The following ANO10 variants were observed in gnomAD, a reference collection of about 807,000 sequenced individuals.
The protein encoded by ANO10 is anoctamin-10.
In ANO10, 77 loss-of-function variants were observed where a neutral mutation model predicts 74.7. That is an observed-to-expected ratio of 1.03 (90% CI 0.86 to 1.25). The LOEUF (loss-of-function observed/expected upper bound fraction) is 1.25, where lower values mean the gene tolerates loss of function less well. Ranked by LOEUF, ANO10 falls within the 50% of genes most tolerant of loss-of-function variation. ANO10 has a pLI of 0.00. For missense variants in ANO10, 721 were observed against 778.1 expected, an observed-to-expected ratio of 0.93 and a Z score of 0.87; for synonymous variants, 279 against 284.9, an observed-to-expected ratio of 0.98 and a Z score of 0.21.
chr3:43,372,654 T>TGGA (rs1373343803), intron 12 of ANO10: 1 of 545,922 alleles, frequency 1.8e-6, no homozygotes, highest in Non-Finnish European at 3.3e-6. Flanking sequence ...TTTCAATTGC[T>TGGA]GCACTCCTCG....
At chr3:43,426,743 A>C (rs767191922) in intron 12 of ANO10, among the ~76,000 whole-genome samples, 2 of 152,248 alleles carry the variant, frequency 1.3e-5, no homozygotes, top group Non-Finnish European at 2.9e-5. Flanking sequence ...AAAGGGCATC[A>C]CTAGGATGAT....
intron 1 of ANO10, among the ~76,000 whole-genome samples, chr3:43,663,092 AAG>A (rs1432184003): frequency 1.3e-5 from 2 of 152,200 alleles, no homozygotes; most frequent in Non-Finnish European, 2.9e-5. Context: ...ACAACAAAAA[AAG>A]AGAATTTTAG....
chr3:43,406,342 C>G (rs953434985), intron 12 of ANO10, among the ~76,000 whole-genome samples: 3 of 152,218 alleles, frequency 2.0e-5, no homozygotes, highest in Non-Finnish European at 2.9e-5. Context: ...ACTGTTCTCA[C>G]TCACCACATT....
chr3:43,666,277 G>A (rs1181484173), intron 1 of ANO10, among the ~76,000 whole-genome samples: 1 of 152,094 alleles, frequency 6.6e-6, no homozygotes, highest in African/African-American at 2.4e-5. Flanking sequence ...TTACAGTGAT[G>A]ATTCAAACAA....
chr3:43,449,515 C>CTTTTTTTTTTTTTTT (rs61265406), intron 11 of ANO10, among the ~76,000 whole-genome samples: 16 of 107,126 alleles, frequency 1.5e-4, no homozygotes, highest in East Asian at 3.0e-4. Flanking sequence ...TATCTAGATT[C>CTTTTTTTTTTTTTTT]TTTTTTTTTT....
intron 1 of ANO10, among the ~76,000 whole-genome samples, chr3:43,676,778 A>C (rs6768998): frequency 0.083 from 12,693 of 152,122 alleles, 730 homozygotes; most frequent in South Asian, 0.21. Context: ...CAATTCTCTC[A>C]ATATAAATAG....
At chr3:43,688,846 A>G (rs76417523) in intron 1 of ANO10, among the ~76,000 whole-genome samples, 48 of 143,528 alleles carry the variant, frequency 3.3e-4, no homozygotes, top group Non-Finnish European at 6.3e-4. Flanking sequence ...TCCGTCTTAG[A>G]AAAAAAAAAA....
chr3:43,679,828 AG>A (rs1559399144), intron 1 of ANO10, among the ~76,000 whole-genome samples: 1 of 152,324 alleles, frequency 6.6e-6, no homozygotes, highest in Admixed American at 6.5e-5. Context: ...CCAGGCAAAC[AG>A]GGTCTGGAGT....
In ANO10 at chr3:43,669,302, G is replaced by A. The variant is rs750158955; in HGVS notation, c.-12+22215C>T. ...AAATGGTTCCTTTTCCCTGCTGATG[G>A]AGACATGAGGGAATATGTCACCAAT... On this transcript the variant is annotated intron_variant, in intron 1 of 3. Transcript: ENST00000413397. 2.0e-5 allele frequency among the ~76,000 whole-genome samples: 3 copies of A among 152,134 alleles called. No homozygotes were observed. In the South Asian group the frequency reaches 6.2e-4, roughly 31 times the overall value.
chr3:43,447,449 T>A (rs2093264154), intron 11 of ANO10, among the ~76,000 whole-genome samples: 1 of 152,228 alleles, frequency 6.6e-6, no homozygotes, highest in African/African-American at 2.4e-5. Context: ...CTTGCCTATC[T>A]TACTCTGAAT....
chr3:43,604,678 C>T (rs985262054), intron 2 of ANO10, among the ~76,000 whole-genome samples: 2 of 152,008 alleles, frequency 1.3e-5, no homozygotes, highest in Admixed American at 6.6e-5. Context: ...TTATGATCGC[C>T]CAAAAAGTGT....
At chr3:43,503,880 AT>A (rs1160013404) in intron 11 of ANO10, among the ~76,000 whole-genome samples, 11 of 150,542 alleles carry the variant, frequency 7.3e-5, no homozygotes, top group South Asian at 4.2e-4. Context: ...CTGAGAGAGG[AT>A]TTTTTTTTTC....
intron 9 of ANO10, among the ~76,000 whole-genome samples, chr3:43,557,046 CAACA>C (rs1034482159): frequency 2.0e-5 from 3 of 151,184 alleles, no homozygotes; most frequent in African/African-American, 7.3e-5. Flanking sequence ...CATATGCCAG[CAACA>C]AACAATTAGA....
chr3:43,384,022 A>G (rs1394780328), intron 12 of ANO10, among the ~76,000 whole-genome samples: 2 of 152,206 alleles, frequency 1.3e-5, no homozygotes, highest in South Asian at 2.1e-4. Flanking sequence ...AAAAAACCCT[A>G]AAGACTCATC....
chr3:43,429,286 A>G (rs1180183869), intron 12 of ANO10, among the ~76,000 whole-genome samples: 1 of 152,168 alleles, frequency 6.6e-6, no homozygotes, highest in Non-Finnish European at 1.5e-5. Flanking sequence ...TTCTCTCAAG[A>G]AGAATCCTTT....
intron 11 of ANO10, 49 bp from the exon 12 acceptor site, chr3:43,432,776 T>C: frequency 1.7e-6 from 2 of 1,193,004 alleles, no homozygotes; most frequent in East Asian, 2.3e-5. Flanking sequence ...AGACCATATA[T>C]GCAAGGAAAT....
chr3:43,424,151 C>T (rs2092863010), intron 12 of ANO10, among the ~76,000 whole-genome samples: 1 of 152,140 alleles, frequency 6.6e-6, no homozygotes, highest in African/African-American at 2.4e-5. Context: ...GACTCTAATA[C>T]AGGAAGGTCA....
intron 4 of ANO10, among the ~76,000 whole-genome samples, chr3:43,590,006 T>C (rs2081652983): frequency 6.6e-6 from 1 of 152,238 alleles, no homozygotes; most frequent in Admixed American, 6.5e-5. Flanking sequence ...ATTTGGAACA[T>C]GGGACAGGAA....
Position 43,577,062 on chromosome 3 carries a change from G to C in ANO10, c.792C>G (p.Gly264=), listed in dbSNP as rs773557659. ...STVILELWKR[G]CANMTYRWGT... is the part of the protein sequence containing the mutation. The stretch of plus-strand genomic sequence containing the variant: ...CCCACCTGTAGGTCATGTTGGCACA[G>C]CCACGCTTCCACAGTTCCAGAATCA... The change falls in exon 6 of 13, where the codon GGC becomes GGG. Residue 264 remains glycine (G), a synonymous_variant. Coordinates refer to ENST00000292246, the MANE Select transcript of ANO10 (RefSeq NM_018075.5). 2.5e-6 allele frequency: 4 copies of C among 1,614,076 alleles called. No individual in the cohort carries two copies. In the African/African-American group the frequency reaches 5.3e-5, roughly 22 times the overall value.
Sources: allele counts gnomAD v4.1 joint callset (sites outside exome capture counted in the v4.1 genomes callset), GRCh38; gene constraint gnomAD v4.1.1; transcripts MANE v1.5; gene names NCBI Gene and HGNC (gene_info 2026-07-23, HGNC 2026-07-21).